PDE7B: variants seen among roughly 807,000 people sequenced by gnomAD.
PDE7B encodes phosphodiesterase 7B, also known as 3',5'-cyclic-AMP phosphodiesterase 7B.
PDE7B carries 29 observed loss-of-function variants against 56.2 expected under a neutral mutation model. The observed-to-expected ratio is 0.52, with a 90% confidence interval of 0.38 to 0.70. The LOEUF is 0.70. Among genes scored for constraint, PDE7B ranks in the 30% least tolerant of loss-of-function variants. The pLI is 0.00. For missense variants in PDE7B, 490 were observed against 565.0 expected, an observed-to-expected ratio of 0.87 and a Z score of 1.35; for synonymous variants, 197 against 196.9, an observed-to-expected ratio of 1.00 and a Z score of 0.00.
At chr6:135,955,364 A>G (rs1774773514) in intron 2 of PDE7B, among the ~76,000 whole-genome samples, 1 of 152,132 alleles carries the variant, frequency 6.6e-6, no homozygotes, top group Admixed American at 6.6e-5. Flanking sequence ...GAGAAGCTCC[A>G]GACAGCCCTG....
intron 2 of PDE7B, among the ~76,000 whole-genome samples, chr6:136,103,842 C>T (rs976028647): frequency 6.6e-6 from 1 of 152,186 alleles, no homozygotes; most frequent in Non-Finnish European, 1.5e-5. Context: ...CCTGAAATGA[C>T]CTTGACATAC....
At chr6:135,976,702 G>A (rs1206166795) in intron 2 of PDE7B, among the ~76,000 whole-genome samples, 1 of 152,124 alleles carries the variant, frequency 6.6e-6, no homozygotes. Context: ...CCTTTGCTTA[G>A]AGCTATTTTC....
chr6:136,168,418 C>T (rs1215480768), intron 8 of PDE7B, among the ~76,000 whole-genome samples: 1 of 152,076 alleles, frequency 6.6e-6, no homozygotes, highest in East Asian at 1.9e-4. Context: ...CAGCAAGCTC[C>T]TTGAGAGCAG....
At chr6:135,881,029 T>A (rs895555634) in intron 1 of PDE7B, among the ~76,000 whole-genome samples, 4 of 152,144 alleles carry the variant, frequency 2.6e-5, no homozygotes, top group African/African-American at 9.7e-5. Context: ...TTTCTCTCAG[T>A]CAGTGTATTT....
chr6:135,903,389 C>T (rs1188742524), intron 1 of PDE7B, among the ~76,000 whole-genome samples: 1 of 152,182 alleles, frequency 6.6e-6, no homozygotes, highest in African/African-American at 2.4e-5. Context: ...TTTCTACCAC[C>T]TACACTTCCT....
intron 2 of PDE7B, among the ~76,000 whole-genome samples, chr6:136,032,460 C>A (rs890591111): frequency 5.9e-5 from 9 of 152,196 alleles, no homozygotes; most frequent in African/African-American, 2.2e-4. Flanking sequence ...TTATGAGCCA[C>A]ATACATTGTT....
At chr6:136,078,673 T>C (rs1448425536) in intron 2 of PDE7B, among the ~76,000 whole-genome samples, 1 of 152,262 alleles carries the variant, frequency 6.6e-6, no homozygotes, top group Non-Finnish European at 1.5e-5. Flanking sequence ...CACATCTTTA[T>C]GTGCAAAAAA....
At chr6:136,166,559 C>CA (rs1016163155) in intron 8 of PDE7B, among the ~76,000 whole-genome samples, 2 of 151,988 alleles carry the variant, frequency 1.3e-5, no homozygotes, top group Non-Finnish European at 2.9e-5. Context: ...AGAGCAGGAG[C>CA]AAGAGAGAGA....
At chr6:135,863,744 A>G (rs1460011157) in intron 1 of PDE7B, among the ~76,000 whole-genome samples, 1 of 146,034 alleles carries the variant, frequency 6.8e-6, no homozygotes, top group African/African-American at 2.5e-5. Flanking sequence ...ACTAAAATCT[A>G]TAAAGCTAGC....
chr6:135,923,499 G>A (rs899054608), intron 1 of PDE7B, among the ~76,000 whole-genome samples: 6 of 152,030 alleles, frequency 3.9e-5, no homozygotes, highest in African/African-American at 1.2e-4. Flanking sequence ...ATAAACAATG[G>A]GAAACTGATG....
intron 3 of PDE7B, chr6:136,112,609 T>G (rs1487077016): frequency 6.6e-6 from 1 of 152,150 alleles, no homozygotes; most frequent in Non-Finnish European, 1.5e-5. Flanking sequence ...TTTATCTTTG[T>G]TAATGTCTTT....
At chr6:135,879,235 T>C (rs1775559621) in intron 1 of PDE7B, among the ~76,000 whole-genome samples, 1 of 152,200 alleles carries the variant, frequency 6.6e-6, no homozygotes, top group Non-Finnish European at 1.5e-5. Context: ...TCAAAGAGTA[T>C]CATATTAAAT....
At chr6:136,011,094 T>C (rs1418958780) in intron 2 of PDE7B, among the ~76,000 whole-genome samples, 1 of 152,164 alleles carries the variant, frequency 6.6e-6, no homozygotes, top group Non-Finnish European at 1.5e-5. Flanking sequence ...CTTTTTCAGA[T>C]GTTGGATGAA....
At chr6:136,130,342 T>C (rs1778096486) in intron 3 of PDE7B, among the ~76,000 whole-genome samples, 1 of 152,238 alleles carries the variant, frequency 6.6e-6, no homozygotes, top group South Asian at 2.1e-4. Context: ...CTCATTCCTT[T>C]TCTACTGCTC....
chr6:136,097,945 G>C (rs994830524), intron 2 of PDE7B: 1 of 152,064 alleles, frequency 6.6e-6, no homozygotes. Context: ...ATACTTTTGA[G>C]TGTGAAGGTG....
intron 1 of PDE7B, 76 bp from the exon 2 acceptor site, chr6:135,947,388 C>A: frequency 2.7e-6 from 3 of 1,091,388 alleles, no homozygotes; most frequent in South Asian, 1.3e-5. Flanking sequence ...ATGGTAATGT[C>A]AGGTCACATG....
At chr6:135,860,275 T>G (rs572789415) in intron 1 of PDE7B, among the ~76,000 whole-genome samples, 3 of 152,166 alleles carry the variant, frequency 2.0e-5, no homozygotes, top group East Asian at 3.9e-4. Context: ...TTAATTGTTT[T>G]TATATGCTTA....
intron 2 of PDE7B, among the ~76,000 whole-genome samples, chr6:136,098,980 G>C (rs988856199): frequency 4.7e-5 from 6 of 128,026 alleles, no homozygotes; most frequent in African/African-American, 1.2e-4. Context: ...CTGTGTCCAT[G>C]TGTTCTCATC....
At chr6:136,133,791 C>A (rs1334422174) in intron 3 of PDE7B, among the ~76,000 whole-genome samples, 1 of 151,994 alleles carries the variant, frequency 6.6e-6, no homozygotes, top group Admixed American at 6.6e-5. Flanking sequence ...GACCAGGAGC[C>A]CAGGAGGAAA....
Sources: allele counts gnomAD v4.1 joint callset (sites outside exome capture counted in the v4.1 genomes callset), GRCh38; gene constraint gnomAD v4.1.1; transcripts MANE v1.5; gene names NCBI Gene and HGNC (gene_info 2026-07-23, HGNC 2026-07-21).